The following TSPAN5 variants were observed in gnomAD, a reference collection of about 807,000 sequenced individuals.
TSPAN5 encodes the protein tetraspanin 5, also known as tetraspanin-5.
TSPAN5 carries 10 observed loss-of-function variants against 37.1 expected under a neutral mutation model. The ratio of observed to expected loss-of-function variants is 0.27; its 90% CI spans 0.17 to 0.46. The LOEUF (loss-of-function observed/expected upper bound fraction) is 0.46. Ranked by LOEUF, TSPAN5 falls within the 20% of genes least tolerant of loss-of-function variation. The pLI is 1.00. For missense variants in TSPAN5, 195 were observed against 326.6 expected (o/e 0.60, Z 3.11); for synonymous variants, 110 against 118.9 (o/e 0.93, Z 0.48).
chr4:98,520,282 CTGTT>C (rs1299656621), intron 1 of TSPAN5, among the ~76,000 whole-genome samples: 30 of 152,190 alleles, frequency 2.0e-4, no homozygotes, highest in Non-Finnish European at 3.4e-4. Context: ...ACAGTGGAGA[CTGTT>C]TGTGTTCCGT....
chr4:98,609,024 C>T (rs1756110440), intron 1 of TSPAN5, among the ~76,000 whole-genome samples: 1 of 152,138 alleles, frequency 6.6e-6, no homozygotes, highest in East Asian at 1.9e-4. Context: ...CACTCTCTTG[C>T]ACGAGACTTA....
chr4:98,570,410 A>G (rs1353021869), intron 1 of TSPAN5, among the ~76,000 whole-genome samples: 1 of 152,240 alleles, frequency 6.6e-6, no homozygotes, highest in Non-Finnish European at 1.5e-5. Flanking sequence ...AAGACCACAG[A>G]TTCATTCAGT....
chr4:98,645,835 A>G (rs1471479958), intron 1 of TSPAN5, among the ~76,000 whole-genome samples: 1 of 152,188 alleles, frequency 6.6e-6, no homozygotes. Flanking sequence ...ATGACTTTAA[A>G]TACGCTTCTG....
chr4:98,505,937 A>G (rs1205121885), intron 2 of TSPAN5, among the ~76,000 whole-genome samples: 8 of 152,162 alleles, frequency 5.3e-5, no homozygotes, highest in African/African-American at 1.9e-4. Context: ...ATCCCTCCCT[A>G]AAGACCGCAT....
At chr4:98,605,425 T>A (rs564043192) in intron 1 of TSPAN5, among the ~76,000 whole-genome samples, 2 of 152,118 alleles carry the variant, frequency 1.3e-5, no homozygotes, top group Non-Finnish European at 2.9e-5. Flanking sequence ...ACACGACCGG[T>A]CAGCTGAGAA....
intron 1 of TSPAN5, among the ~76,000 whole-genome samples, chr4:98,568,297 C>T (rs544331123): frequency 6.6e-6 from 1 of 152,252 alleles, no homozygotes; most frequent in African/African-American, 2.4e-5. Context: ...AATCCCAGCA[C>T]TTTGGGAGGC....
chr4:98,621,087 C>G (rs1369108916), intron 1 of TSPAN5, among the ~76,000 whole-genome samples: 1 of 152,134 alleles, frequency 6.6e-6, no homozygotes, highest in African/African-American at 2.4e-5. Flanking sequence ...ATTTGGACCA[C>G]AGACACACAC....
intron 1 of TSPAN5, among the ~76,000 whole-genome samples, chr4:98,640,778 G>T (rs1244573727): frequency 6.6e-6 from 1 of 152,170 alleles, no homozygotes; most frequent in Non-Finnish European, 1.5e-5. Context: ...TGAGGGTCCG[G>T]ACACTGACAA....
At chr4:98,601,244 T>G (rs983936074) in intron 1 of TSPAN5, among the ~76,000 whole-genome samples, 1 of 152,216 alleles carries the variant, frequency 6.6e-6, no homozygotes, top group African/African-American at 2.4e-5. Flanking sequence ...CCAGCTGCAT[T>G]AGCCCCTAAC....
chr4:98,651,171 G>C (rs532430828), intron 1 of TSPAN5, among the ~76,000 whole-genome samples: 1 of 152,244 alleles, frequency 6.6e-6, no homozygotes, highest in Non-Finnish European at 1.5e-5. Flanking sequence ...CCCTGATAGG[G>C]TACAATGAGA....
At chr4:98,475,642 CAA>C (rs1752673872) in intron 7 of TSPAN5, among the ~76,000 whole-genome samples, 1 of 152,148 alleles carries the variant, frequency 6.6e-6, no homozygotes, top group African/African-American at 2.4e-5. Flanking sequence ...TAGAAAAAGA[CAA>C]GGTTTCCTAA....
At chr4:98,619,839 AGATG>A (rs1199592427) in intron 1 of TSPAN5, among the ~76,000 whole-genome samples, 2 of 152,166 alleles carry the variant, frequency 1.3e-5, no homozygotes, top group East Asian at 3.8e-4. Context: ...TCTGCTTTTC[AGATG>A]GTGCACTCTC....
At chr4:98,585,448 T>C (rs1002644209) in intron 1 of TSPAN5, among the ~76,000 whole-genome samples, 1 of 152,160 alleles carries the variant, frequency 6.6e-6, no homozygotes, top group Non-Finnish European at 1.5e-5. Flanking sequence ...TAGCTAGGAT[T>C]ACAGGCATGC....
At chr4:98,588,236 A>C (rs1755540535) in intron 1 of TSPAN5, among the ~76,000 whole-genome samples, 1 of 152,186 alleles carries the variant, frequency 6.6e-6, no homozygotes, top group Non-Finnish European at 1.5e-5. Flanking sequence ...TTAGGCTTTC[A>C]AGACATCACT....
intron 1 of TSPAN5, among the ~76,000 whole-genome samples, chr4:98,610,059 C>T (rs1161730340): frequency 6.6e-6 from 1 of 152,230 alleles, no homozygotes; most frequent in Non-Finnish European, 1.5e-5. Flanking sequence ...TCCCTCTGAG[C>T]TCATCTTAGT....
intron 2 of TSPAN5, among the ~76,000 whole-genome samples, chr4:98,489,267 G>A (rs144416063): frequency 9.7e-4 from 148 of 152,270 alleles, no homozygotes; most frequent in African/African-American, 3.2e-3. Context: ...AAAGGTGACC[G>A]CACCCACTTT....
intron 1 of TSPAN5, among the ~76,000 whole-genome samples, chr4:98,522,515 T>TA (rs1351755266): frequency 6.6e-6 from 1 of 152,220 alleles, no homozygotes; most frequent in African/African-American, 2.4e-5. Context: ...TACCCATGTT[T>TA]AAAATCCCCT....
chr4:98,515,367 T>G (rs1753705230), intron 1 of TSPAN5, among the ~76,000 whole-genome samples: 1 of 152,186 alleles, frequency 6.6e-6, no homozygotes, highest in Admixed American at 6.5e-5. Context: ...AGTATTGTCA[T>G]TAATATCAGT....
chr4:98,626,072 T>C (rs1016325860), intron 1 of TSPAN5, among the ~76,000 whole-genome samples: 8 of 152,190 alleles, frequency 5.3e-5, no homozygotes, highest in African/African-American at 1.7e-4. Context: ...TCAAGGACCA[T>C]CCACATGAGA....
Sources: gnomAD v4.1 joint callset for allele counts (sites outside exome capture counted in the v4.1 genomes callset) on GRCh38, gnomAD v4.1.1 for gene constraint, MANE v1.5 for transcripts, NCBI Gene and HGNC (gene_info 2026-07-23, HGNC 2026-07-21) for gene names.